Variants in GDF6 observed in about 807,000 individuals in gnomAD.
The protein encoded by GDF6 is growth/differentiation factor 6.
A neutral mutation model predicts 32.4 loss-of-function variants in GDF6; 3 were observed. The observed-to-expected ratio is 0.09, with a 90% CI of 0.04 to 0.24. GDF6 has a LOEUF of 0.24. Among genes scored for constraint, GDF6 ranks in the 10% least tolerant of loss-of-function variants. The probability of loss-of-function intolerance (pLI) is 1.00; values close to 1 mark genes in which losing one functional copy is unlikely to be tolerated. For missense variants in GDF6, 589 were observed against 637.9 expected (o/e 0.92, Z 0.83); for synonymous variants, 296 against 295.3 (o/e 1.00, Z -0.03).
intron 1 of GDF6, among the ~76,000 whole-genome samples, chr8:96,148,351 C>T (rs1812516730): frequency 6.6e-6 from 1 of 152,228 alleles, no homozygotes; most frequent in Admixed American, 6.5e-5. Flanking sequence ...GATGAAGAGG[C>T]TGTCCAGACC....
In GDF6 at chr8:96,145,550, C is replaced by A; in HGVS notation, c.407-26G>T. Reference sequence around the variant, plus strand: ...CTGCGAGATAAAAAATAATTACAGTCAGTTTCACTTAAGGGGGAGATCAGC... The same window carrying A: ...CTGCGAGATAAAAAATAATTACAGTAAGTTTCACTTAAGGGGGAGATCAGC... On this transcript the variant is annotated intron_variant, in intron 1 of 1. Coordinates refer to ENST00000287020, the MANE Select transcript of GDF6 (RefSeq NM_001001557.4). The surrounding 1 kb of genome is among the most constrained non-coding windows in gnomAD (Gnocchi z 5.6). The A allele has an allele frequency of 1.3e-6, 2 of 1,597,364 alleles. No individual in the cohort carries two copies. Among genetic ancestry groups the A allele is most frequent in the South Asian group, 2.2e-5 (2 of 90,720 alleles).
chr8:96,151,247 C>T (rs1345959458), intron 1 of GDF6, among the ~76,000 whole-genome samples: 1 of 152,212 alleles, frequency 6.6e-6, no homozygotes, highest in African/African-American at 2.4e-5. Flanking sequence ...TTTTTCTTAA[C>T]CCCAATACTC....
intron 1 of GDF6, among the ~76,000 whole-genome samples, chr8:96,148,026 TG>T (rs1812512175): frequency 6.6e-6 from 1 of 152,204 alleles, no homozygotes; most frequent in South Asian, 2.1e-4. Flanking sequence ...GGCTAATAAA[TG>T]ATTAATTTGC....
At position 96,144,266 on chromosome 8, in the gene GDF6, GAGAGAGAGAGAGAGAGAGAGAGAGA is replaced by G. The variant is rs1236972963; in HGVS notation, c.*272_*296del. Reference sequence around the variant, plus strand: ...TAATAGAGAGAGAGAGAGAGAGAGAGAGAGAGAGAGAGAGAGAGAGAGAGAAAACAGAACAAAAGAAATCCTCCTT... The same window carrying G: ...TAATAGAGAGAGAGAGAGAGAGAGAGAAACAGAACAAAAGAAATCCTCCTT... On this transcript the variant is annotated 3_prime_UTR_variant, in exon 2 of 2. Transcript: ENST00000287020. The surrounding 1 kb of genome is among the most constrained non-coding windows in gnomAD (Gnocchi z 5.1). 120 of 444,284 alleles carry G rather than the reference GAGAGAGAGAGAGAGAGAGAGAGAGA, an allele frequency of 2.7e-4. 2 individuals are homozygous for G. The highest frequency in any genetic ancestry group is 2.5e-3 in the African/African-American group (110 of 44,814). 27.5% of individuals were successfully genotyped at this position (444,284 alleles called of 1,614,324 possible). A position where few individuals can be genotyped will look rare whatever the true frequency, so the allele number is the denominator to read the frequency against.
At chr8:96,156,374 TTCCC>T (rs1227488049) in intron 1 of GDF6, among the ~76,000 whole-genome samples, 5 of 45,896 alleles carry the variant, frequency 1.1e-4, no homozygotes, top group Admixed American at 7.5e-4. Context: ...CTCTCTCTCT[TTCCC>T]TCTCTCTCTC....
In GDF6 at chr8:96,149,094, C is replaced by T. The variant is rs996085062; in HGVS notation, c.407-3570G>A. Among the ~76,000 whole-genome samples, 28 of 152,210 alleles carry T rather than the reference C, an allele frequency of 1.8e-4. 1 individual carries two copies. Among genetic ancestry groups the T allele is most frequent in the African/African-American group, 9.6e-5 (4 of 41,454 alleles). On this transcript the variant is annotated intron_variant, in intron 1 of 1. Coordinates refer to ENST00000287020, the MANE Select transcript of GDF6 (RefSeq NM_001001557.4). ...GGCAAAAAGCCAGCCCTTCATACTC[C>T]GTTCCAAAAGCCTCCTCTCCCATTA... is the stretch of plus-strand genomic sequence containing the variant.
chr8:96,146,701 C>G (rs1419248069), intron 1 of GDF6, among the ~76,000 whole-genome samples: 8 of 129,786 alleles, frequency 6.2e-5, no homozygotes, highest in African/African-American at 2.0e-4. Context: ...CACACACACA[C>G]ACACACAGAG....
At chr8:96,151,171 T>C (rs1812563275) in intron 1 of GDF6, among the ~76,000 whole-genome samples, 1 of 152,216 alleles carries the variant, frequency 6.6e-6, no homozygotes, top group Non-Finnish European at 1.5e-5. Flanking sequence ...GCTGACGCAT[T>C]GCTAACATTC....
chr8:96,154,224 G>C (rs1289954691), intron 1 of GDF6, among the ~76,000 whole-genome samples: 2 of 151,944 alleles, frequency 1.3e-5, no homozygotes, highest in Non-Finnish European at 1.5e-5. Context: ...GCCCACTCTC[G>C]GGTCCCTAAA....
Position 96,145,506 on chromosome 8 carries a change from G to A in GDF6, c.425C>T (p.Pro142Leu), listed in dbSNP as rs764057334. The A allele has an allele frequency of 6.3e-7, 1 of 1,597,840 alleles. No individual in the cohort carries two copies. The highest frequency in any genetic ancestry group is 1.3e-5 in the African/African-American group (1 of 74,926). The change falls in exon 2 of 2, where the codon CCT becomes CTT. Residue 142 changes from proline (P) to leucine (L), a missense_variant. Around this residue, in one of 2 missense-constraint regions of GDF6, gnomAD observed 436 missense variants for 411.2 expected, o/e 1.06. Coordinates refer to ENST00000287020, the MANE Select transcript of GDF6 (RefSeq NM_001001557.4). The surrounding 1 kb of genome is among the most constrained non-coding windows in gnomAD (Gnocchi z 5.6). ...AAACAAATACTTCTGTCTCCGGAGA[G>A]GAGTGTGCGAGAGATCGTCTGCGAG... ...DRGLDDLSHT[P>L]LRRQKYLFDV... is the part of the protein sequence containing the mutation.
At chr8:96,158,239 G>A (rs1812702540) in intron 1 of GDF6, among the ~76,000 whole-genome samples, 1 of 152,184 alleles carries the variant, frequency 6.6e-6, no homozygotes, top group Non-Finnish European at 1.5e-5. Flanking sequence ...CTCGGGAACA[G>A]AGGCCTCCCC....
In GDF6 at chr8:96,145,428, A is replaced by C. The variant is rs1812461392; in HGVS notation, c.503T>G (p.Leu168Arg). The C allele has an allele frequency of 6.3e-7, 1 of 1,593,398 alleles. No homozygotes were observed. Among genetic ancestry groups the C allele is most frequent in the Non-Finnish European group, 8.5e-7 (1 of 1,177,746 alleles). ...KEELVGAELR[L>R]FRQAPSAPWG... is the part of the protein sequence containing the mutation. ...GGGCGCTGAGGGCGCCTGGCGAAAG[A>C]GCCGCAGCTCCGCGCCCACCAGCTC... Residue 168 changes from leucine to arginine, a missense_variant, in exon 2 of 2, where the codon CTC (leucine) becomes CGC (arginine). Physicochemically the swap from Leu to Arg is moderately radical, Grantham distance 102. Coordinates refer to ENST00000287020, the MANE Select transcript of GDF6 (RefSeq NM_001001557.4). The surrounding 1 kb of genome is among the most constrained non-coding windows in gnomAD (Gnocchi z 5.6).
chr8:96,144,950 G>A lies in GDF6; in HGVS notation c.981C>T (p.Pro327=). 6.4e-7 allele frequency: 1 copy of A among 1,551,302 alleles called. No individual in the cohort carries two copies. The highest frequency in any genetic ancestry group is 2.4e-5 in the East Asian group (1 of 41,200). The change falls in exon 2 of 2, where the codon CCC becomes CCT. Residue 327 remains proline, a synonymous_variant. Transcript: ENST00000287020. The surrounding 1 kb of genome is among the most constrained non-coding windows in gnomAD (Gnocchi z 5.1). ...TGCGCCGCCGCCGGCGGCCGGGCGA[G>A]GGCAGCCAAGGCCTGGCATCCGGGG... The part of the protein sequence containing the change: ...SGAPDARPWL[P]SPGRRRRRTA...
intron 1 of GDF6, among the ~76,000 whole-genome samples, chr8:96,157,461 G>A (rs1586124546): frequency 6.6e-6 from 1 of 152,180 alleles, no homozygotes; most frequent in South Asian, 2.1e-4. Flanking sequence ...GACTGACTTC[G>A]GGGCTCCTTT....
intron 1 of GDF6, among the ~76,000 whole-genome samples, chr8:96,155,268 C>T (rs1812642767): frequency 6.6e-6 from 1 of 152,274 alleles, no homozygotes; most frequent in South Asian, 2.1e-4. Context: ...GCAACCTGCG[C>T]TCTCGCTGTA....
intron 1 of GDF6, among the ~76,000 whole-genome samples, chr8:96,146,874 C>T (rs1452778520): frequency 6.6e-6 from 1 of 152,098 alleles, no homozygotes; most frequent in Non-Finnish European, 1.5e-5. Context: ...TTTTAAAATC[C>T]AAGGCAAATT....
In GDF6 at chr8:96,144,909, C is replaced by A. The variant is rs764936321; in HGVS notation, c.1022G>T (p.Arg341Leu). 2 of 1,611,074 alleles carry A rather than the reference C, an allele frequency of 1.2e-6. No homozygotes were observed. The highest frequency in any genetic ancestry group is 3.3e-5 in the Admixed American group (2 of 59,706). ...RRRRRTAFAS[R>L]HGKRHGKKSR... ...CTTCTTGCCGTGCCGCTTGCCATGG[C>A]GACTGGCGAAGGCCGTGCGCCGCCG... The change falls in exon 2 of 2, where the codon CGC becomes CTC. Residue 341 changes from arginine to leucine, a missense_variant. Around this residue, in one of 2 missense-constraint regions of GDF6, gnomAD observed 153 missense variants for 226.7 expected, o/e 0.67. Coordinates refer to ENST00000287020, the MANE Select transcript of GDF6 (RefSeq NM_001001557.4). This position sits in a 1 kb window ranked among gnomAD's most constrained non-coding sequence, Gnocchi z 5.1.
intron 1 of GDF6, among the ~76,000 whole-genome samples, chr8:96,151,124 G>C (rs552145481): frequency 3.3e-5 from 5 of 152,330 alleles, no homozygotes; most frequent in African/African-American, 9.6e-5. Context: ...TACTCATCCT[G>C]AGTCAGGCCT....
Position 96,144,781 on chromosome 8 carries a change from C to G in GDF6, c.1150G>C (p.Glu384Gln). ...CGCAGCGGGAAGTCGCATACACCCT[C>G]GCAGTGATAGGCCTCGTACTCCAGG... ...APLEYEAYHC[E>Q]GVCDFPLRSH... is the part of the protein sequence containing the mutation. The change falls in exon 2 of 2, where the codon GAG becomes CAG. Residue 384 changes from glutamate (E) to glutamine (Q), a missense_variant. Coordinates refer to ENST00000287020, the MANE Select transcript of GDF6 (RefSeq NM_001001557.4). The surrounding 1 kb of genome is among the most constrained non-coding windows in gnomAD (Gnocchi z 5.1). The G allele has an allele frequency of 1.9e-6, 3 of 1,614,136 alleles. No homozygotes were observed. Among genetic ancestry groups the G allele is most frequent in the East Asian group, 4.5e-5 (2 of 44,862 alleles).
Sources: allele counts gnomAD v4.1 joint callset (sites outside exome capture counted in the v4.1 genomes callset), GRCh38; gene constraint gnomAD v4.1.1; regional missense constraint gnomAD v4.1.1; non-coding constraint Gnocchi (gnomAD v3.1); transcripts MANE v1.5; gene names NCBI Gene and HGNC (gene_info 2026-07-23, HGNC 2026-07-21).